CADPS2: variants seen among roughly 807,000 people sequenced by gnomAD.
The protein encoded by CADPS2 is calcium-dependent secretion activator 2.
A neutral mutation model predicts 172.5 loss-of-function variants in CADPS2; 93 were observed. That is an observed-to-expected ratio of 0.54 (90% CI 0.46 to 0.64). CADPS2 has a LOEUF of 0.64. Among genes scored for constraint, CADPS2 ranks in the 30% least tolerant of loss-of-function variants. The probability of loss-of-function intolerance (pLI) is 0.00; values close to 1 mark genes in which losing one functional copy is unlikely to be tolerated. For missense variants in CADPS2, 1,420 were observed against 1,565.9 expected (o/e 0.91, Z 1.57); for synonymous variants, 546 against 555.2 (o/e 0.98, Z 0.23).
intron 1 of CADPS2, among the ~76,000 whole-genome samples, chr7:122,783,828 G>A (rs1012727047): frequency 3.9e-5 from 6 of 152,288 alleles, no homozygotes; most frequent in African/African-American, 7.2e-5. Flanking sequence ...AAACTACTCC[G>A]CCTTCCTTTG....
At chr7:122,383,801 C>A (rs1337810108) in intron 24 of CADPS2, among the ~76,000 whole-genome samples, 1 of 152,006 alleles carries the variant, frequency 6.6e-6, no homozygotes, top group Non-Finnish European at 1.5e-5. Context: ...AGATTTTGGA[C>A]CTTGTCTTGG....
chr7:122,822,226 T>A (rs1300452916), intron 1 of CADPS2, among the ~76,000 whole-genome samples: 11 of 151,858 alleles, frequency 7.2e-5, no homozygotes, highest in Non-Finnish European at 1.3e-4. Flanking sequence ...TCGTCCCAAT[T>A]CTTAGACCTT....
At chr7:122,408,450 G>A (rs1178462569) in intron 19 of CADPS2, among the ~76,000 whole-genome samples, 1 of 151,542 alleles carries the variant, frequency 6.6e-6, no homozygotes, top group Non-Finnish European at 1.5e-5. Context: ...TTTGAGACAG[G>A]GCCTCACTCT....
At chr7:122,720,811 T>G (rs2090307333) in intron 2 of CADPS2, among the ~76,000 whole-genome samples, 1 of 152,018 alleles carries the variant, frequency 6.6e-6, no homozygotes, top group African/African-American at 2.4e-5. Flanking sequence ...AGTTAACAAG[T>G]AGAATTGATT....
chr7:122,382,080 A>G (rs2043083706), intron 24 of CADPS2: 1 of 152,158 alleles, frequency 6.6e-6, no homozygotes, highest in African/African-American at 2.4e-5. Context: ...TCTGCAGACA[A>G]TAACTCACAT....
intron 18 of CADPS2, among the ~76,000 whole-genome samples, chr7:122,415,011 T>C (rs2047717535): frequency 6.6e-6 from 1 of 152,212 alleles, no homozygotes; most frequent in African/African-American, 2.4e-5. Flanking sequence ...AACTCTTTCA[T>C]TTTTGTTAAC....
chr7:122,536,570 G>GA (rs993092991), intron 8 of CADPS2, among the ~76,000 whole-genome samples: 1 of 152,028 alleles, frequency 6.6e-6, no homozygotes, highest in African/African-American at 2.4e-5. Flanking sequence ...AATGCATGGA[G>GA]AAAAAATAAG....
At chr7:122,861,718 A>G (rs1338385096) in intron 1 of CADPS2, among the ~76,000 whole-genome samples, 1 of 152,270 alleles carries the variant, frequency 6.6e-6, no homozygotes, top group East Asian at 1.9e-4. Flanking sequence ...CAGGTGACGG[A>G]TATACTAATT....
At chr7:122,699,010 G>T in intron 2 of CADPS2, 1 of 915,480 alleles carries the variant, frequency 1.1e-6, no homozygotes, top group Non-Finnish European at 1.6e-6. Flanking sequence ...AAAATCTTCA[G>T]GATACAAACA....
At chr7:122,762,191 CA>C (rs1217470533) in intron 1 of CADPS2, among the ~76,000 whole-genome samples, 1 of 151,112 alleles carries the variant, frequency 6.6e-6, no homozygotes, top group African/African-American at 2.4e-5. Flanking sequence ...AGAAATCCCC[CA>C]AAGATAGAGA....
intron 1 of CADPS2, among the ~76,000 whole-genome samples, chr7:122,837,085 A>ACCACAGTGCAAT (rs1402078651): frequency 6.6e-6 from 1 of 152,244 alleles, no homozygotes; most frequent in Non-Finnish European, 1.5e-5. Context: ...TGTCTCTCAG[A>ACCACAGTGCAAT]CCACAGTGCA....
At chr7:122,670,947 C>G (rs2081774156) in intron 2 of CADPS2, among the ~76,000 whole-genome samples, 1 of 152,000 alleles carries the variant, frequency 6.6e-6, no homozygotes, top group Non-Finnish European at 1.5e-5. Context: ...TCTCCGTGCT[C>G]CAGTCCCACA....
chr7:122,629,919 GAA>G (rs2076417369), intron 3 of CADPS2, among the ~76,000 whole-genome samples: 1 of 151,992 alleles, frequency 6.6e-6, no homozygotes, highest in African/African-American at 2.4e-5. Flanking sequence ...CTGAAAACAA[GAA>G]AAGTGTGCTC....
Position 122,490,196 on chromosome 7 carries a change from T to C in CADPS2, c.1737A>G (p.Ile579Met). The change falls in exon 11 of 30, where the codon ATA becomes ATG. Residue 579 changes from isoleucine (I) to methionine (M), a missense_variant. Ile to Met is a conservative substitution (Grantham distance 10, BLOSUM62 1). Coordinates refer to ENST00000449022, the MANE Select transcript of CADPS2 (RefSeq NM_017954.11). Reference sequence around the variant, plus strand: ...CCCTATACATGGCTTGAACCCATAATATTCTGTCCTGTTCATCATCACTGG... The same window carrying C: ...CCCTATACATGGCTTGAACCCATAACATTCTGTCCTGTTCATCATCACTGG... ...IFASDDEQDRILWVQAMYRAT... is the reference protein window; with the variant it reads ...IFASDDEQDRMLWVQAMYRAT... 1 of 1,613,474 alleles carries C rather than the reference T, an allele frequency of 6.2e-7. No homozygotes were observed. The highest frequency in any genetic ancestry group is 8.5e-7 in the Non-Finnish European group (1 of 1,179,584).
chr7:122,886,310 C>T lies in CADPS2; in HGVS notation c.28G>A (p.Glu10Lys), dbSNP rs1824371947. 6.7e-7 allele frequency: 1 copy of T among 1,503,376 alleles called. No homozygotes were observed. Among genetic ancestry groups the T allele is most frequent in the African/African-American group, 1.5e-5 (1 of 68,818 alleles). The allele number at this position is 1,503,376 out of a possible 1,614,324, so 93.1% of individuals were successfully genotyped here. A position where few individuals can be genotyped will look rare whatever the true frequency, so the allele number is the denominator to read the frequency against. The change falls in exon 1 of 30, where the codon GAG becomes AAG. Residue 10 changes from glutamate (E) to lysine (K), a missense_variant. Coordinates refer to ENST00000449022, the MANE Select transcript of CADPS2 (RefSeq NM_017954.11). MLDPSSSEE[E>K]SDEGLEEESR... Reference sequence around the variant, plus strand: ...TCCTCTTCCAGCCCCTCGTCCGACTCCTCTTCGCTGGAAGACGGGTCCAGC... The same window carrying T: ...TCCTCTTCCAGCCCCTCGTCCGACTTCTCTTCGCTGGAAGACGGGTCCAGC...
At chr7:122,329,409 C>T (rs1476908737) in intron 28 of CADPS2, among the ~76,000 whole-genome samples, 1 of 152,118 alleles carries the variant, frequency 6.6e-6, no homozygotes. Context: ...GCTCTTGGGG[C>T]CGGGGAGCAC....
At chr7:122,626,913 C>T (rs2076143507) in intron 4 of CADPS2, among the ~76,000 whole-genome samples, 2 of 152,308 alleles carry the variant, frequency 1.3e-5, no homozygotes, top group South Asian at 4.1e-4. Flanking sequence ...TCCTAATTAC[C>T]TCTTGGCTGA....
At chr7:122,676,220 CA>C (rs1337793174) in intron 2 of CADPS2, among the ~76,000 whole-genome samples, 1 of 152,088 alleles carries the variant, frequency 6.6e-6, no homozygotes, top group African/African-American at 2.4e-5. Context: ...TTACGAGAAA[CA>C]CCTACAATAC....
At chr7:122,641,974 A>G (rs971167034) in intron 3 of CADPS2, among the ~76,000 whole-genome samples, 5 of 152,110 alleles carry the variant, frequency 3.3e-5, no homozygotes, top group Non-Finnish European at 7.4e-5. Context: ...GCAAAGATAG[A>G]AATATTAAAA....
Sources: gnomAD v4.1 joint callset for allele counts (sites outside exome capture counted in the v4.1 genomes callset) on GRCh38, gnomAD v4.1.1 for gene constraint, MANE v1.5 for transcripts, NCBI Gene and HGNC (gene_info 2026-07-23, HGNC 2026-07-21) for gene names.